EBF2: variants seen among roughly 807,000 people sequenced by gnomAD.
EBF2 encodes the protein EBF transcription factor 2.
Under a neutral mutation model 72.8 loss-of-function variants are expected in EBF2, and 21 were observed. The ratio of observed to expected loss-of-function variants is 0.29; its 90% CI spans 0.20 to 0.42. The LOEUF is 0.42. Ranked by LOEUF, EBF2 falls within the 10% of genes least tolerant of loss-of-function variation. The pLI is 1.00. For missense variants in EBF2, 637 were observed against 731.2 expected (o/e 0.87, Z 1.49); for synonymous variants, 299 against 274.2 (o/e 1.09, Z -0.89).
intron 6 of EBF2, among the ~76,000 whole-genome samples, chr8:26,001,620 G>A: frequency 6.6e-6 from 1 of 151,936 alleles, no homozygotes; most frequent in African/African-American, 2.4e-5. Flanking sequence ...TGCGATCTTG[G>A]CTCACTGCAA....
At chr8:25,977,892 G>A (rs1804294635) in intron 6 of EBF2, among the ~76,000 whole-genome samples, 1 of 152,234 alleles carries the variant, frequency 6.6e-6, no homozygotes, top group South Asian at 2.1e-4. Flanking sequence ...GCCCACAGAA[G>A]GGGGATAAGT....
intron 6 of EBF2, among the ~76,000 whole-genome samples, chr8:25,986,509 T>C (rs533318228): frequency 1.3e-5 from 2 of 152,308 alleles, no homozygotes; most frequent in Middle Eastern, 3.4e-3. Flanking sequence ...AGTTTCTCAA[T>C]ATATACACCT....
intron 6 of EBF2, among the ~76,000 whole-genome samples, chr8:25,965,444 G>A (rs1050018019): frequency 2.0e-5 from 3 of 152,174 alleles, no homozygotes; most frequent in African/African-American, 7.2e-5. Flanking sequence ...AATCCACTGT[G>A]CATGGAAATG....
chr8:25,870,759 A>T (rs1010458282), intron 10 of EBF2, among the ~76,000 whole-genome samples: 1 of 152,130 alleles, frequency 6.6e-6, no homozygotes, highest in Admixed American at 6.5e-5. Context: ...CTGGGCTGGC[A>T]ATTCATGTTT....
At chr8:26,039,940 A>G (rs940273338) in intron 5 of EBF2, 88 bp downstream of exon 5, 4 of 1,450,280 alleles carry the variant, frequency 2.8e-6, no homozygotes, top group Non-Finnish European at 3.9e-6. Context: ...CTCAGTCCTG[A>G]AAGTTAGTCC....
intron 6 of EBF2, among the ~76,000 whole-genome samples, chr8:25,935,694 T>C (rs1803568544): frequency 6.6e-6 from 1 of 152,228 alleles, no homozygotes. Flanking sequence ...TCCCCGCATC[T>C]CTGCTGAATG....
intron 7 of EBF2, among the ~76,000 whole-genome samples, chr8:25,892,164 G>A (rs540174290): frequency 1.4e-3 from 206 of 152,228 alleles, no homozygotes; most frequent in African/African-American, 4.0e-3. Flanking sequence ...TAATTTATAA[G>A]TTAGGCACAG....
intron 6 of EBF2, among the ~76,000 whole-genome samples, chr8:25,970,547 A>G (rs1426283869): frequency 2.0e-5 from 3 of 151,956 alleles, no homozygotes; most frequent in Non-Finnish European, 4.4e-5. Flanking sequence ...CTCCCCTAAT[A>G]AATCTCTTAA....
At chr8:26,010,689 A>C (rs1221528118) in intron 6 of EBF2, among the ~76,000 whole-genome samples, 2 of 152,160 alleles carry the variant, frequency 1.3e-5, no homozygotes, top group Non-Finnish European at 2.9e-5. Context: ...AAATTAATTG[A>C]TTTATAAACA....
intron 6 of EBF2, among the ~76,000 whole-genome samples, chr8:25,960,649 A>C (rs1013029265): frequency 6.6e-6 from 1 of 152,034 alleles, no homozygotes. Context: ...TTAATGAAAG[A>C]TGAAATGGCC....
chr8:25,871,883 A>G (rs1276464064), intron 10 of EBF2, among the ~76,000 whole-genome samples: 1 of 152,154 alleles, frequency 6.6e-6, no homozygotes, highest in Non-Finnish European at 1.5e-5. Context: ...ATAAATATAA[A>G]CTATAAGCAA....
intron 6 of EBF2, among the ~76,000 whole-genome samples, chr8:26,006,382 T>A (rs1804882231): frequency 6.6e-6 from 1 of 152,324 alleles, no homozygotes; most frequent in South Asian, 2.1e-4. Context: ...TATAATTCTT[T>A]TCAATGACTG....
At chr8:25,854,040 T>C (rs1394921694) in intron 14 of EBF2, among the ~76,000 whole-genome samples, 1 of 152,172 alleles carries the variant, frequency 6.6e-6, no homozygotes, top group African/African-American at 2.4e-5. Flanking sequence ...TGTATTACTT[T>C]TAATACATGG....
At chr8:25,878,379 T>C (rs1802556625) in intron 10 of EBF2, among the ~76,000 whole-genome samples, 1 of 152,086 alleles carries the variant, frequency 6.6e-6, no homozygotes, top group Non-Finnish European at 1.5e-5. Context: ...GCTTTGTCTT[T>C]CTCCTCCTAG....
At chr8:25,904,027 G>A (rs902014710) in intron 7 of EBF2, among the ~76,000 whole-genome samples, 2 of 152,150 alleles carry the variant, frequency 1.3e-5, no homozygotes, top group African/African-American at 4.8e-5. Context: ...GTCCTAAGTG[G>A]ACAGATCCCC....
chr8:25,878,156 C>T (rs1802553328), intron 10 of EBF2, among the ~76,000 whole-genome samples: 1 of 152,214 alleles, frequency 6.6e-6, no homozygotes, highest in African/African-American at 2.4e-5. Context: ...ACCCGTCCTG[C>T]TCACAGCACT....
At chr8:25,854,809 T>C (rs1034103273) in intron 14 of EBF2, among the ~76,000 whole-genome samples, 1 of 152,226 alleles carries the variant, frequency 6.6e-6, no homozygotes, top group Non-Finnish European at 1.5e-5. Context: ...GAGAATGTCT[T>C]AGTATTTATT....
At chr8:25,930,154 T>C (rs771908056) in intron 6 of EBF2, among the ~76,000 whole-genome samples, 1 of 152,140 alleles carries the variant, frequency 6.6e-6, no homozygotes, top group Non-Finnish European at 1.5e-5. Flanking sequence ...TCAGGTTACA[T>C]CTCCAGGGCT....
chr8:25,982,004 G>A (rs1166883021), intron 6 of EBF2, among the ~76,000 whole-genome samples: 3 of 152,038 alleles, frequency 2.0e-5, no homozygotes, highest in Admixed American at 6.6e-5. Context: ...AACATAGCTC[G>A]TGGACTAAGT....
Sources: allele counts gnomAD v4.1 joint callset (sites outside exome capture counted in the v4.1 genomes callset), GRCh38; gene constraint gnomAD v4.1.1; transcripts MANE v1.5; gene names NCBI Gene and HGNC (gene_info 2026-07-23, HGNC 2026-07-21).